The following KSR2 variants were observed in gnomAD, a reference collection of about 807,000 sequenced individuals.
The protein encoded by KSR2 is kinase suppressor of ras 2.
KSR2 carries 25 observed loss-of-function variants against 107.8 expected under a neutral mutation model. That is an observed-to-expected ratio of 0.23 (90% CI 0.17 to 0.32). KSR2 has a LOEUF of 0.32. KSR2 is among the 10% of genes least tolerant of loss of function. KSR2 has a pLI of 1.00. For synonymous variants in KSR2, 480 were observed against 507.0 expected, an observed-to-expected ratio of 0.95 and a Z score of 0.71; for missense variants, 887 against 1,268.9, an observed-to-expected ratio of 0.70 and a Z score of 4.57.
chr12:117,899,613 G>A (rs1016372562), intron 1 of KSR2, among the ~76,000 whole-genome samples: 2 of 152,248 alleles, frequency 1.3e-5, no homozygotes, highest in African/African-American at 4.8e-5. Flanking sequence ...GTAGGCAGAA[G>A]CCTAAGATGG....
At chr12:117,870,730 G>C (rs932036952) in intron 1 of KSR2, among the ~76,000 whole-genome samples, 1 of 152,188 alleles carries the variant, frequency 6.6e-6, no homozygotes, top group East Asian at 1.9e-4. Flanking sequence ...GAGATCCTGC[G>C]CTTGCCAAGG....
At chr12:117,661,345 C>G (rs1178359482) in intron 5 of KSR2, among the ~76,000 whole-genome samples, 1 of 152,002 alleles carries the variant, frequency 6.6e-6, no homozygotes, top group African/African-American at 2.4e-5. Flanking sequence ...AGTACTGACT[C>G]AATGTCAAGT....
chr12:117,937,862 C>T (rs527483763), intron 1 of KSR2, among the ~76,000 whole-genome samples: 488 of 148,604 alleles, frequency 3.3e-3, no homozygotes, highest in Middle Eastern at 0.011. Flanking sequence ...CCCAGCTACT[C>T]GGGAGGCTGA....
At chr12:117,729,862 G>A (rs1037439219) in intron 4 of KSR2, among the ~76,000 whole-genome samples, 2 of 152,334 alleles carry the variant, frequency 1.3e-5, no homozygotes, top group Non-Finnish European at 1.5e-5. Context: ...AAAACCTGCT[G>A]TATGAAAAAG....
At chr12:117,473,360 G>T (rs138808079) in intron 17 of KSR2, among the ~76,000 whole-genome samples, 1 of 152,304 alleles carries the variant, frequency 6.6e-6, no homozygotes, top group South Asian at 2.1e-4. Flanking sequence ...GCCTTTCATA[G>T]ATGAGGAAAC....
chr12:117,540,919 C>T (rs1248778715), intron 9 of KSR2, among the ~76,000 whole-genome samples: 1 of 152,240 alleles, frequency 6.6e-6, no homozygotes, highest in African/African-American at 2.4e-5. Flanking sequence ...AAATTAGTAT[C>T]AGCAGGAACC....
At chr12:117,951,910 A>C (rs1218864147) in intron 1 of KSR2, among the ~76,000 whole-genome samples, 1 of 152,194 alleles carries the variant, frequency 6.6e-6, no homozygotes, top group Admixed American at 6.6e-5. Flanking sequence ...TAAGGCAGAC[A>C]GAGAAAGACA....
chr12:117,847,520 T>C (rs1892747713), intron 3 of KSR2, among the ~76,000 whole-genome samples: 1 of 152,238 alleles, frequency 6.6e-6, no homozygotes, highest in Non-Finnish European at 1.5e-5. Context: ...CTCCCCTCCG[T>C]GGCTCCCTGA....
intron 1 of KSR2, among the ~76,000 whole-genome samples, chr12:117,875,860 C>G (rs1053498251): frequency 1.3e-5 from 2 of 152,168 alleles, no homozygotes; most frequent in Non-Finnish European, 2.9e-5. Flanking sequence ...TACGCCTCCC[C>G]CCCACCACCA....
intron 4 of KSR2, among the ~76,000 whole-genome samples, chr12:117,717,696 T>C (rs1168421819): frequency 5.0e-5 from 7 of 141,094 alleles, no homozygotes; most frequent in African/African-American, 8.2e-5. Flanking sequence ...TGTGTGTGTG[T>C]GTGTGTGTGT....
At chr12:117,512,996 C>T (rs1996380) in intron 14 of KSR2, among the ~76,000 whole-genome samples, 1 of 152,136 alleles carries the variant, frequency 6.6e-6, no homozygotes, top group Non-Finnish European at 1.5e-5. Flanking sequence ...CCTAGGATTT[C>T]TGTAGTTCAC....
intron 7 of KSR2, among the ~76,000 whole-genome samples, chr12:117,574,944 G>A (rs1879179521): frequency 6.6e-6 from 1 of 150,872 alleles, no homozygotes; most frequent in Non-Finnish European, 1.5e-5. Context: ...TCAAATCCAG[G>A]CTTCGGGAAG....
chr12:117,697,772 C>T (rs1013002618), intron 4 of KSR2, among the ~76,000 whole-genome samples: 6 of 151,874 alleles, frequency 4.0e-5, no homozygotes, highest in Non-Finnish European at 8.8e-5. Context: ...TTCAGTGGCC[C>T]CTGTTATTTG....
In KSR2 at chr12:117,860,341, G is replaced by T; in HGVS notation, c.271C>A (p.Gln91Lys). ...ERNAELDGFPQLRHWFRIVDV... is the reference protein window; with the variant it reads ...ERNAELDGFPKLRHWFRIVDV... ...ACGATTCGGAACCAGTGCCGTAGCT[G>T]GGGGAAGCCGTCCAGCTCCGCGTTG... The change falls in exon 2 of 20, where the codon CAG (glutamine) becomes AAG (lysine). Residue 91 changes from glutamine (Q) to lysine (K), a missense_variant. Gln to Lys is a moderately conservative substitution (Grantham distance 53, BLOSUM62 1). Around this residue, in one of 8 missense-constraint regions of KSR2, gnomAD observed 399 missense variants for 479.5 expected, o/e 0.83. Transcript: ENST00000339824. 1 of 1,613,796 alleles carries T rather than the reference G, an allele frequency of 6.2e-7. No homozygotes were observed. The highest frequency in any genetic ancestry group is 8.5e-7 in the Non-Finnish European group (1 of 1,179,784).
chr12:117,665,438 G>A (rs533536690), intron 5 of KSR2, among the ~76,000 whole-genome samples: 1 of 151,936 alleles, frequency 6.6e-6, no homozygotes, highest in East Asian at 1.9e-4. Flanking sequence ...ACCCCTGGAG[G>A]GGGCCCGGCT....
chr12:117,743,081 TC>T (rs1275893908), intron 4 of KSR2, among the ~76,000 whole-genome samples: 1 of 152,248 alleles, frequency 6.6e-6, no homozygotes, highest in Non-Finnish European at 1.5e-5. Context: ...GGCAAGAGCA[TC>T]CGACCTCCAG....
intron 6 of KSR2, among the ~76,000 whole-genome samples, chr12:117,581,874 A>G (rs1879685056): frequency 6.9e-6 from 1 of 144,946 alleles, no homozygotes; most frequent in South Asian, 2.2e-4. Flanking sequence ...ACTGTTTATT[A>G]AGTGTTTGTT....
In KSR2 at chr12:117,469,950, C is replaced by T. The variant is rs201102489; in HGVS notation, c.2713-155G>A. On this transcript the variant is annotated intron_variant, in intron 18 of 19. Transcript: ENST00000339824. ...CCATCCATCCATCCATCCACCCATC[C>T]GGTACGTGTCTACACATCTACCCAT... 1.3e-4 allele frequency among the ~76,000 whole-genome samples: 15 copies of T among 112,480 alleles called. No individual in the cohort carries two copies. The East Asian group carries it at 3.0e-3, about 23-fold the overall frequency. The allele number at this position is 112,480 out of a possible 152,430, so 73.8% of individuals were successfully genotyped here. A position where few individuals can be genotyped will look rare whatever the true frequency, so the allele number is the denominator to read the frequency against.
chr12:117,564,303 G>A (rs1000427149), intron 7 of KSR2, among the ~76,000 whole-genome samples: 1 of 152,180 alleles, frequency 6.6e-6, no homozygotes, highest in Non-Finnish European at 1.5e-5. Flanking sequence ...TCAAAAGTTT[G>A]CACTTTGCAA....
Sources: allele counts gnomAD v4.1 joint callset (sites outside exome capture counted in the v4.1 genomes callset), GRCh38; gene constraint gnomAD v4.1.1; regional missense constraint gnomAD v4.1.1; transcripts MANE v1.5; gene names NCBI Gene and HGNC (gene_info 2026-07-23, HGNC 2026-07-21).